Variants in UBR2 observed in about 807,000 individuals in gnomAD.
UBR2 encodes the protein E3 ubiquitin-protein ligase UBR2.
Under a neutral mutation model 247.9 loss-of-function variants are expected in UBR2, and 92 were observed. The observed-to-expected ratio is 0.37, with a 90% CI of 0.31 to 0.44. The LOEUF (loss-of-function observed/expected upper bound fraction) is 0.44. Among genes scored for constraint, UBR2 ranks in the 20% least tolerant of loss-of-function variants. The probability of loss-of-function intolerance (pLI) is 1.00; values close to 1 mark genes in which losing one functional copy is unlikely to be tolerated. For synonymous variants in UBR2, 672 were observed against 693.5 expected (o/e 0.97, Z 0.49); for missense variants, 1,613 against 2,112.6 (o/e 0.76, Z 4.64).
chr6:42,682,310 G>A (rs1388273422), intron 42 of UBR2, among the ~76,000 whole-genome samples: 1 of 152,052 alleles, frequency 6.6e-6, no homozygotes, highest in Non-Finnish European at 1.5e-5. Context: ...AGATGAAAAT[G>A]TTCTGGAGAT....
At chr6:42,652,342 T>G in intron 24 of UBR2, 149 bp from the exon 25 acceptor site, 1 of 1,025,738 alleles carries the variant, frequency 9.7e-7, no homozygotes, top group East Asian at 2.5e-5. Flanking sequence ...GTGGCTCTTT[T>G]TATGCATTTG....
intron 1 of UBR2, among the ~76,000 whole-genome samples, chr6:42,567,465 T>G (rs534738342): frequency 6.6e-6 from 1 of 151,836 alleles, no homozygotes; most frequent in African/African-American, 2.4e-5. Context: ...GTGTGGTGGC[T>G]CTTGCCTGTA....
chr6:42,631,946 C>A, intron 11 of UBR2, among the ~76,000 whole-genome samples: 1 of 135,200 alleles, frequency 7.4e-6, no homozygotes, highest in Non-Finnish European at 1.5e-5. Flanking sequence ...ACCATCTCTG[C>A]AAGAATATGC....
At chr6:42,611,459 CAA>C (rs71753208) in intron 7 of UBR2, among the ~76,000 whole-genome samples, 159 of 132,342 alleles carry the variant, frequency 1.2e-3, no homozygotes, top group Admixed American at 1.4e-3. Flanking sequence ...GACTCCATCT[CAA>C]AAAAAAAAAA....
rs1159010225 is a variant in UBR2 at position 42,673,859 on chromosome 6, G to A, written c.4155G>A (p.Val1385=). ...GGACAGTGGCATCAGTTTCAGTGGT[G>A]CAAGGACATTTTTGTAAACTTTTTG... The part of the protein sequence containing the change: ...AHWTVASVSV[V]QGHFCKLFAS... Residue 1385 remains valine, a synonymous_variant, in exon 37 of 47, where the codon GTG becomes GTA. Transcript: ENST00000372901. 6.2e-7 allele frequency: 1 copy of A among 1,613,820 alleles called. No individual in the cohort carries two copies. Among genetic ancestry groups the A allele is most frequent in the Admixed American group, 1.7e-5 (1 of 59,968 alleles).
At chr6:42,638,856 A>G (rs1796266738) in intron 15 of UBR2, among the ~76,000 whole-genome samples, 1 of 152,174 alleles carries the variant, frequency 6.6e-6, no homozygotes, top group African/African-American at 2.4e-5. Context: ...TCAAAAAAAA[A>G]AAGTCTAATT....
intron 11 of UBR2, among the ~76,000 whole-genome samples, chr6:42,628,600 G>A (rs1270311698): frequency 2.0e-5 from 3 of 151,874 alleles, no homozygotes; most frequent in Non-Finnish European, 1.5e-5. Flanking sequence ...GCAGGTGCTG[G>A]TAATCCTAGC....
chr6:42,615,921 A>G lies in UBR2; in HGVS notation c.1094-81A>G. ...GTAAAAACAAAACAAAACAAAAAAA[A>G]CCCACTGTGGATCACATAACACTTG... On this transcript the variant is annotated intron_variant, in intron 9 of 46. Coordinates refer to ENST00000372901, the MANE Select transcript of UBR2 (RefSeq NM_001363705.2). The G allele has an allele frequency of 2.8e-6, 3 of 1,075,190 alleles. No individual in the cohort carries two copies. The South Asian group carries it at 5.5e-5, about 20-fold the overall frequency. The allele number at this position is 1,075,190 out of a possible 1,614,324, so 66.6% of individuals were successfully genotyped here.
intron 24 of UBR2, 150 bp downstream of exon 24, chr6:42,652,221 T>A: frequency 1.2e-6 from 1 of 856,010 alleles, no homozygotes; most frequent in Non-Finnish European, 1.8e-6. Context: ...GAATAATAAA[T>A]ATGTTAACAC....
chr6:42,612,576 A>G (rs1794161855), intron 8 of UBR2, among the ~76,000 whole-genome samples: 1 of 152,220 alleles, frequency 6.6e-6, no homozygotes, highest in South Asian at 2.1e-4. Context: ...ATGCAATGCA[A>G]TGTACATTTC....
chr6:42,595,960 A>G (rs1241879824), intron 4 of UBR2, among the ~76,000 whole-genome samples: 1 of 151,820 alleles, frequency 6.6e-6, no homozygotes, highest in African/African-American at 2.4e-5. Context: ...CTCCATTTTT[A>G]TATAGTTGAT....
At chr6:42,681,648 G>C (rs1363548455) in intron 42 of UBR2, among the ~76,000 whole-genome samples, 3 of 152,084 alleles carry the variant, frequency 2.0e-5, no homozygotes, top group Non-Finnish European at 2.9e-5. Flanking sequence ...CTTGTGCATG[G>C]GATATAGAAA....
At chr6:42,660,131 A>C (rs1200068657) in intron 30 of UBR2, among the ~76,000 whole-genome samples, 5 of 152,172 alleles carry the variant, frequency 3.3e-5, no homozygotes, top group African/African-American at 9.7e-5. Context: ...AGTCTTTTCC[A>C]TCCTTCAGTA....
At position 42,643,142 on chromosome 6, in the gene UBR2, C is replaced by G. The variant is rs563135142; in HGVS notation, c.2097+661C>G. On this transcript the variant is annotated intron_variant, in intron 18 of 46. Coordinates refer to ENST00000372901, the MANE Select transcript of UBR2 (RefSeq NM_001363705.2). Reference sequence around the variant, plus strand: ...TTTAACCCTGCCGTAGCACTCACAACCCTGGACTGTGATTACTGTTTACTC... The same window carrying G: ...TTTAACCCTGCCGTAGCACTCACAAGCCTGGACTGTGATTACTGTTTACTC... Among the ~76,000 whole-genome samples, 26 of 152,266 alleles carry G rather than the reference C, an allele frequency of 1.7e-4. No homozygotes were observed. In the South Asian group the frequency reaches 5.2e-3, roughly 30 times the overall value.
intron 21 of UBR2, among the ~76,000 whole-genome samples, chr6:42,647,689 A>C (rs1487069351): frequency 1.3e-5 from 2 of 152,186 alleles, no homozygotes; most frequent in Non-Finnish European, 2.9e-5. Context: ...CTTATCGTGA[A>C]TGAGATATGA....
intron 40 of UBR2, 107 bp downstream of exon 40, chr6:42,676,980 A>G (rs1371953625): frequency 3.3e-6 from 3 of 911,784 alleles, no homozygotes; most frequent in Non-Finnish European, 3.5e-6. Context: ...GTCTGTTGAC[A>G]TGTTTTTAAA....
intron 1 of UBR2, among the ~76,000 whole-genome samples, chr6:42,570,534 T>C (rs946035508): frequency 6.6e-6 from 1 of 151,606 alleles, no homozygotes; most frequent in Non-Finnish European, 1.5e-5. Context: ...TGCCCAGGAG[T>C]AGTAAAGATT....
At chr6:42,647,973 A>G in intron 21 of UBR2, 145 bp from the exon 22 acceptor site, 1 of 525,278 alleles carries the variant, frequency 1.9e-6, no homozygotes, top group Non-Finnish European at 3.4e-6. Context: ...TAATCATTGT[A>G]TTTGCTATGG....
chr6:42,585,355 AT>A (rs1208860795), intron 2 of UBR2, among the ~76,000 whole-genome samples: 2 of 151,950 alleles, frequency 1.3e-5, no homozygotes, highest in Non-Finnish European at 2.9e-5. Context: ...TGTGTGAAGG[AT>A]TTTTGTCTCT....
Sources: gnomAD v4.1 joint callset for allele counts (sites outside exome capture counted in the v4.1 genomes callset) on GRCh38, gnomAD v4.1.1 for gene constraint, MANE v1.5 for transcripts, NCBI Gene and HGNC (gene_info 2026-07-23, HGNC 2026-07-21) for gene names.